Variants in GLI3 observed in about 807,000 individuals in gnomAD.
The protein encoded by GLI3 is transcription activator GLI3.
A neutral mutation model predicts 100.8 loss-of-function variants in GLI3; 20 were observed. The observed-to-expected ratio is 0.20, with a 90% CI of 0.14 to 0.29. The LOEUF is 0.29. Ranked by LOEUF, GLI3 falls within the 10% of genes least tolerant of loss-of-function variation. GLI3 has a pLI of 1.00. For missense variants in GLI3, 2,040 were observed against 2,128.5 expected, an observed-to-expected ratio of 0.96 and a Z score of 0.82; for synonymous variants, 938 against 860.5, an observed-to-expected ratio of 1.09 and a Z score of -1.58.
At chr7:42,012,172 G>A (rs936649942) in intron 10 of GLI3, among the ~76,000 whole-genome samples, 4 of 152,198 alleles carry the variant, frequency 2.6e-5, no homozygotes, top group African/African-American at 9.6e-5. Flanking sequence ...ACCATTGTTT[G>A]TGATTATGGA....
intron 2 of GLI3, among the ~76,000 whole-genome samples, chr7:42,193,563 G>A (rs1430538701): frequency 1.3e-5 from 2 of 152,140 alleles, no homozygotes; most frequent in Non-Finnish European, 2.9e-5. Context: ...CAGGTGGGAC[G>A]TTTTCTCCCA....
intron 2 of GLI3, among the ~76,000 whole-genome samples, chr7:42,176,638 G>C (rs1787486284): frequency 6.6e-6 from 1 of 152,204 alleles, no homozygotes; most frequent in South Asian, 2.1e-4. Flanking sequence ...TTTAGCCCTA[G>C]GCTATTGAGA....
At chr7:42,093,616 G>A (rs940101527) in intron 3 of GLI3, among the ~76,000 whole-genome samples, 4 of 152,002 alleles carry the variant, frequency 2.6e-5, no homozygotes, top group Non-Finnish European at 1.5e-5. Context: ...TAAGAATTTG[G>A]TAAACCTCAA....
At chr7:41,968,779 A>AGAAG (rs1562662144) in intron 13 of GLI3, among the ~76,000 whole-genome samples, 1 of 136,564 alleles carries the variant, frequency 7.3e-6, no homozygotes, top group African/African-American at 2.8e-5. Context: ...AAAGAAAGAA[A>AGAAG]GAAAGAAAGA....
intron 2 of GLI3, among the ~76,000 whole-genome samples, chr7:42,174,594 A>T (rs1402438474): frequency 6.6e-6 from 1 of 152,170 alleles, no homozygotes; most frequent in Non-Finnish European, 1.5e-5. Context: ...CTGGGAGTTC[A>T]TGGTCGCTCT....
At chr7:42,158,347 A>G (rs922120060) in intron 2 of GLI3, among the ~76,000 whole-genome samples, 2 of 152,252 alleles carry the variant, frequency 1.3e-5, no homozygotes, top group Non-Finnish European at 2.9e-5. Flanking sequence ...CGACTGGCTT[A>G]AAGTCACCCT....
intron 2 of GLI3, among the ~76,000 whole-genome samples, chr7:42,163,227 G>A (rs1787168678): frequency 6.6e-6 from 1 of 151,574 alleles, no homozygotes; most frequent in South Asian, 2.1e-4. Context: ...ACATTAAACA[G>A]TACTCTTCTA....
intron 4 of GLI3, among the ~76,000 whole-genome samples, chr7:42,056,647 G>A (rs958203899): frequency 2.6e-5 from 4 of 152,048 alleles, no homozygotes; most frequent in South Asian, 4.2e-4. Context: ...TACTTCAAGA[G>A]ATTTTTGTAA....
At chr7:42,152,971 C>T (rs1409572283) in intron 2 of GLI3, among the ~76,000 whole-genome samples, 1 of 152,224 alleles carries the variant, frequency 6.6e-6, no homozygotes, top group Non-Finnish European at 1.5e-5. Context: ...TCACCCCACA[C>T]AAAGGCTGGA....
At chr7:42,238,004 C>CCTCCTCCTCCTCCTCCTCCTT (rs1562797766), upstream of GLI3, 5 of 140,500 alleles carry the variant, frequency 3.6e-5, no homozygotes, top group African/African-American at 1.1e-4. Context: ...GCCGCCGCCG[C>CCTCCTCCTCCTCCTCCTCCTT]CTCCTCCTCC....
At chr7:42,096,157 C>A (rs1420742211) in intron 3 of GLI3, among the ~76,000 whole-genome samples, 1 of 152,120 alleles carries the variant, frequency 6.6e-6, no homozygotes, top group Non-Finnish European at 1.5e-5. Context: ...GAAGACAGGG[C>A]AGCAGCTAGA....
At chr7:42,177,090 G>T (rs549180516) in intron 2 of GLI3, among the ~76,000 whole-genome samples, 10 of 152,210 alleles carry the variant, frequency 6.6e-5, no homozygotes, top group African/African-American at 2.4e-4. Context: ...AGGTGCTGAC[G>T]CTCCAGTGAT....
intron 10 of GLI3, among the ~76,000 whole-genome samples, chr7:42,001,728 G>A (rs1788301500): frequency 6.6e-6 from 1 of 151,990 alleles, no homozygotes; most frequent in African/African-American, 2.4e-5. Flanking sequence ...GTTGAAGACT[G>A]TTATAAAAAT....
At chr7:42,000,546 A>G (rs1449524604) in intron 10 of GLI3, among the ~76,000 whole-genome samples, 2 of 152,152 alleles carry the variant, frequency 1.3e-5, no homozygotes, top group African/African-American at 2.4e-5. Context: ...ACCACTAAAG[A>G]CTCGGTAAAA....
chr7:42,002,829 G>A (rs375278738), intron 10 of GLI3, among the ~76,000 whole-genome samples: 31 of 152,328 alleles, frequency 2.0e-4, no homozygotes, highest in African/African-American at 7.5e-4. Context: ...GAGACAAGCT[G>A]CTCAGACTCA....
In GLI3 at chr7:42,190,508, A is replaced by C. The variant is rs73327558; in HGVS notation, c.124+32622T>G. The stretch of plus-strand genomic sequence containing the variant: ...GACTTAAGAACATATGAAAGACTCA[A>C]TAACAATGGAAGAAACTGAAATAGC... On this transcript the variant is annotated intron_variant, in intron 2 of 14. Coordinates refer to ENST00000395925, the MANE Select transcript of GLI3 (RefSeq NM_000168.6). 8.1e-4 allele frequency among the ~76,000 whole-genome samples: 123 copies of C among 152,326 alleles called. 1 individual carries two copies. The highest frequency in any genetic ancestry group is 2.9e-3 in the African/African-American group (119 of 41,584).
chr7:42,148,345 G>A lies in GLI3; in HGVS notation c.248C>T (p.Ala83Val). 1 of 1,613,964 alleles carries A rather than the reference G, an allele frequency of 6.2e-7. No homozygotes were observed. The highest frequency in any genetic ancestry group is 1.1e-5 in the South Asian group (1 of 91,052). The change falls in exon 3 of 15, where the codon GCC (alanine) becomes GTC (valine). Residue 83 changes from alanine to valine, a missense_variant. Ala to Val is a moderately conservative substitution (Grantham distance 64). Around this residue, in one of 5 missense-constraint regions of GLI3, gnomAD observed 603 missense variants for 690.9 expected, o/e 0.87. Coordinates refer to ENST00000395925, the MANE Select transcript of GLI3 (RefSeq NM_000168.6). ...EEPSTSSDER[A>V]SLIKKEIHGS... The stretch of plus-strand genomic sequence containing the variant: ...ATGGATCTCTTTCTTGATCAATGAG[G>A]CCCTCTCGTCACTCGATGTTGAAGG...
intron 10 of GLI3, among the ~76,000 whole-genome samples, chr7:42,000,299 G>T (rs1224774835): frequency 2.6e-5 from 4 of 152,174 alleles, no homozygotes; most frequent in Non-Finnish European, 5.9e-5. Flanking sequence ...TAAACTTTAC[G>T]ACTTGCTGGT....
intron 3 of GLI3, among the ~76,000 whole-genome samples, chr7:42,092,870 G>C (rs774771810): frequency 7.2e-5 from 11 of 151,812 alleles, no homozygotes; most frequent in Non-Finnish European, 1.5e-4. Context: ...CTGGAGTGCA[G>C]TGGTGCGATC....
Sources: allele counts gnomAD v4.1 joint callset (sites outside exome capture counted in the v4.1 genomes callset), GRCh38; gene constraint gnomAD v4.1.1; regional missense constraint gnomAD v4.1.1; transcripts MANE v1.5; gene names NCBI Gene and HGNC (gene_info 2026-07-23, HGNC 2026-07-21).